The following KHDRBS2 variants were observed in gnomAD, a reference collection of about 807,000 sequenced individuals.
KHDRBS2 encodes the protein KH domain-containing, RNA-binding, signal transduction-associated protein 2.
In KHDRBS2, 26 loss-of-function variants were observed where a neutral mutation model predicts 44.3. The ratio of observed to expected loss-of-function variants is 0.59; its 90% confidence interval spans 0.43 to 0.81. The LOEUF is 0.81. Ranked by LOEUF, KHDRBS2 falls within the 40% of genes least tolerant of loss-of-function variation. KHDRBS2 has a pLI of 0.00. For missense variants in KHDRBS2, 476 were observed against 433.1 expected (o/e 1.10, Z -0.88); for synonymous variants, 194 against 151.1 (o/e 1.28, Z -2.08).
chr6:61,662,536 TCAAA>T, the KHDRBS2 span, among the ~76,000 whole-genome samples: 2 of 151,828 alleles, frequency 1.3e-5, no homozygotes, highest in South Asian at 4.2e-4. Flanking sequence ...TACAATGAAC[TCAAA>T]CAAATTTACA....
chr6:62,049,142 C>A (rs1467272886), intron 2 of KHDRBS2, among the ~76,000 whole-genome samples: 1 of 151,694 alleles, frequency 6.6e-6, no homozygotes, highest in Non-Finnish European at 1.5e-5. Context: ...GATTGTTGTA[C>A]GTATAGGTAA....
chr6:61,546,207 A>G, the KHDRBS2 span, among the ~76,000 whole-genome samples: 1 of 151,960 alleles, frequency 6.6e-6, no homozygotes, highest in East Asian at 1.9e-4. Context: ...GATATCTATT[A>G]CATTTCAAAT....
chr6:62,232,100 T>C (rs1563104397), intron 1 of KHDRBS2, among the ~76,000 whole-genome samples: 2 of 152,180 alleles, frequency 1.3e-5, no homozygotes, highest in Non-Finnish European at 2.9e-5. Flanking sequence ...AAATAAGTTA[T>C]TGGGAAAAAT....
At chr6:61,898,282 G>C (rs1441343312) in intron 5 of KHDRBS2, among the ~76,000 whole-genome samples, 1 of 150,470 alleles carries the variant, frequency 6.6e-6, no homozygotes, top group Admixed American at 6.6e-5. Flanking sequence ...TTTTTTTGTG[G>C]GCATTTGGTA....
At chr6:61,782,034 C>G (rs1783008975) in intron 6 of KHDRBS2, among the ~76,000 whole-genome samples, 1 of 151,968 alleles carries the variant, frequency 6.6e-6, no homozygotes, top group Non-Finnish European at 1.5e-5. Context: ...TGTTTCTTGG[C>G]TTTTGGGGGG....
chr6:62,032,293 A>G (rs1418466892), intron 3 of KHDRBS2, among the ~76,000 whole-genome samples: 1 of 152,056 alleles, frequency 6.6e-6, no homozygotes, highest in Non-Finnish European at 1.5e-5. Context: ...CAATCTAATC[A>G]GCTGCCAGCG....
the KHDRBS2 span, among the ~76,000 whole-genome samples, chr6:61,570,975 T>G: frequency 6.6e-6 from 1 of 151,882 alleles, no homozygotes; most frequent in African/African-American, 2.4e-5. Flanking sequence ...TTAAAGCATA[T>G]GTCTCACAGG....
At chr6:61,585,817 G>C in the KHDRBS2 span, among the ~76,000 whole-genome samples, 1 of 152,038 alleles carries the variant, frequency 6.6e-6, no homozygotes, top group African/African-American at 2.4e-5. Flanking sequence ...ATAATAATTG[G>C]TATAATTCAA....
intron 6 of KHDRBS2, among the ~76,000 whole-genome samples, chr6:61,851,889 G>A (rs186950414): frequency 1.3e-5 from 2 of 152,158 alleles, no homozygotes; most frequent in African/African-American, 4.8e-5. Flanking sequence ...CTGAAATCAC[G>A]ATATAAGTTT....
intron 2 of KHDRBS2, among the ~76,000 whole-genome samples, chr6:62,072,951 G>T (rs187113797): frequency 6.6e-6 from 1 of 152,030 alleles, no homozygotes; most frequent in Non-Finnish European, 1.5e-5. Flanking sequence ...GTAGAATTCA[G>T]CTGTGAATCC....
intron 6 of KHDRBS2, among the ~76,000 whole-genome samples, chr6:61,750,701 T>A (rs78747342): frequency 6.6e-6 from 1 of 151,850 alleles, no homozygotes; most frequent in South Asian, 2.1e-4. Context: ...TTTCACATTT[T>A]GCTTATTTAC....
chr6:61,571,410 G>T, the KHDRBS2 span, among the ~76,000 whole-genome samples: 3,716 of 152,126 alleles, frequency 0.024, 71 homozygotes, highest in Middle Eastern at 0.085. Context: ...GGAGGTCTCA[G>T]ATTAATAAAA....
intron 2 of KHDRBS2, among the ~76,000 whole-genome samples, chr6:62,059,198 GTTTTTTTTTTTTTTTTTTTTT>G (rs398001756): frequency 1.2e-4 from 3 of 24,878 alleles, no homozygotes; most frequent in Non-Finnish European, 2.5e-4. Flanking sequence ...AAGTTAGGAA[GTTTTTTTTTTTTTTTTTTTTT>G]TTTTTTTTTT....
intron 1 of KHDRBS2, among the ~76,000 whole-genome samples, chr6:62,249,558 T>C (rs537374267): frequency 1.3e-5 from 2 of 152,142 alleles, no homozygotes; most frequent in East Asian, 3.9e-4. Flanking sequence ...AATTTTCTCT[T>C]CCCTTAACTC....
intron 6 of KHDRBS2, among the ~76,000 whole-genome samples, chr6:61,894,391 G>C (rs1009705950): frequency 1.3e-5 from 2 of 152,144 alleles, no homozygotes; most frequent in African/African-American, 4.8e-5. Flanking sequence ...AACTTCCTAA[G>C]GATAAGTTTG....
chr6:61,955,317 T>TAC (rs1169358972), intron 4 of KHDRBS2, among the ~76,000 whole-genome samples: 1 of 146,522 alleles, frequency 6.8e-6, no homozygotes, highest in Non-Finnish European at 1.5e-5. Context: ...TATGTATACA[T>TAC]ATACGTGTAT....
chr6:61,591,159 G>A, the KHDRBS2 span, among the ~76,000 whole-genome samples: 1 of 152,150 alleles, frequency 6.6e-6, no homozygotes, highest in Non-Finnish European at 1.5e-5. Flanking sequence ...GGGAAATAAT[G>A]TGCCTTGGAA....
chr6:62,115,459 T>C (rs897730644), intron 2 of KHDRBS2, among the ~76,000 whole-genome samples: 6 of 152,184 alleles, frequency 3.9e-5, no homozygotes, highest in Non-Finnish European at 8.8e-5. Flanking sequence ...CAAAATCAAA[T>C]AGCAAAGCTA....
At chr6:62,248,144 G>C (rs1379828994) in intron 1 of KHDRBS2, among the ~76,000 whole-genome samples, 1 of 151,730 alleles carries the variant, frequency 6.6e-6, no homozygotes, top group Non-Finnish European at 1.5e-5. Flanking sequence ...AATTAAATTA[G>C]CATAAATTAA....
Sources: allele counts gnomAD v4.1 joint callset (sites outside exome capture counted in the v4.1 genomes callset), GRCh38; gene constraint gnomAD v4.1.1; transcripts MANE v1.5; gene names NCBI Gene and HGNC (gene_info 2026-07-23, HGNC 2026-07-21).